TTLL5: variants seen among roughly 807,000 people sequenced by gnomAD.
The protein encoded by TTLL5 is tubulin tyrosine ligase like 5, also known as tubulin polyglutamylase TTLL5.
In TTLL5, 132 loss-of-function variants were observed where a neutral mutation model predicts 168.4. The observed-to-expected ratio is 0.78, with a 90% CI of 0.68 to 0.91. The LOEUF is 0.91. Ranked by LOEUF, TTLL5 falls within the 40% of genes least tolerant of loss-of-function variation. The probability of loss-of-function intolerance (pLI) is 0.00; values close to 1 mark genes in which losing one functional copy is unlikely to be tolerated. For missense variants in TTLL5, 1,545 were observed against 1,581.5 expected, an observed-to-expected ratio of 0.98 and a Z score of 0.39; for synonymous variants, 546 against 558.6, an observed-to-expected ratio of 0.98 and a Z score of 0.32.
chr14:75,871,277 G>A lies in TTLL5; in HGVS notation c.3522+7415G>A, dbSNP rs187880523. 1.2e-3 allele frequency among the ~76,000 whole-genome samples: 190 copies of A among 152,296 alleles called. 1 individual carries two copies. The highest frequency in any genetic ancestry group is 1.5e-3 in the Non-Finnish European group (101 of 68,032). On this transcript the variant is annotated intron_variant, in intron 29 of 31. Coordinates refer to ENST00000298832, the MANE Select transcript of TTLL5 (RefSeq NM_015072.5). ...AATCTTAGAGGAAAATGAACACGCA[G>A]TAAATGCTTCCTGTGCACCAGATGT...
chr14:75,746,439 C>T (rs1036292633), intron 17 of TTLL5, among the ~76,000 whole-genome samples: 21 of 152,060 alleles, frequency 1.4e-4, no homozygotes, highest in African/African-American at 1.9e-4. Flanking sequence ...TTCAGGCTTG[C>T]GTTTTTCTGA....
At chr14:75,931,748 G>A (rs2034283563) in intron 31 of TTLL5, among the ~76,000 whole-genome samples, 3 of 152,170 alleles carry the variant, frequency 2.0e-5, no homozygotes, top group Non-Finnish European at 4.4e-5. Flanking sequence ...TTAAATTCCA[G>A]TCATTCTAAA....
intron 31 of TTLL5, among the ~76,000 whole-genome samples, chr14:75,926,955 T>C (rs1013461350): frequency 2.0e-5 from 3 of 152,190 alleles, no homozygotes; most frequent in Admixed American, 2.0e-4. Context: ...ATGCAGTGTA[T>C]ATATACAGAT....
intron 27 of TTLL5, among the ~76,000 whole-genome samples, chr14:75,803,905 A>G (rs1893489062): frequency 6.6e-6 from 1 of 152,184 alleles, no homozygotes; most frequent in Non-Finnish European, 1.5e-5. Context: ...AATCAGAGGG[A>G]GCGCTGGCCC....
chr14:75,669,366 T>C (rs1242626594), intron 2 of TTLL5, 50 bp from the exon 3 acceptor site: 1 of 1,523,186 alleles, frequency 6.6e-7, no homozygotes, highest in Non-Finnish European at 9.0e-7. Context: ...CATCAGCAGT[T>C]AGTTCAGGTT....
chr14:75,764,540 T>C, intron 18 of TTLL5, 75 bp from the exon 19 acceptor site: 1 of 1,560,732 alleles, frequency 6.4e-7, no homozygotes, highest in Non-Finnish European at 8.8e-7. Context: ...CATTATGGAA[T>C]TCTGGGAAGC....
chr14:75,904,590 G>T (rs1326688764), intron 31 of TTLL5, among the ~76,000 whole-genome samples: 2 of 152,132 alleles, frequency 1.3e-5, no homozygotes, highest in Non-Finnish European at 2.9e-5. Context: ...TTATTTAGAA[G>T]ATTTTGTGGC....
chr14:75,749,037 C>A (rs531770285), intron 17 of TTLL5, among the ~76,000 whole-genome samples: 1 of 152,216 alleles, frequency 6.6e-6, no homozygotes, highest in East Asian at 1.9e-4. Context: ...ATAGAGAAAT[C>A]GTCCTTTTAT....
chr14:75,908,226 G>A (rs1224078733), intron 31 of TTLL5, among the ~76,000 whole-genome samples: 1 of 152,376 alleles, frequency 6.6e-6, no homozygotes, highest in East Asian at 1.9e-4. Context: ...GGATCAGAGG[G>A]TCTCAGAAGT....
intron 28 of TTLL5, among the ~76,000 whole-genome samples, chr14:75,850,334 A>G (rs1896778810): frequency 7.1e-6 from 1 of 141,222 alleles, no homozygotes; most frequent in Non-Finnish European, 1.5e-5. Flanking sequence ...TGAACCTGGG[A>G]GGCAGAGGTT....
intron 30 of TTLL5, among the ~76,000 whole-genome samples, chr14:75,893,916 C>T (rs1422942345): frequency 1.3e-5 from 2 of 150,460 alleles, no homozygotes; most frequent in East Asian, 3.9e-4. Flanking sequence ...ATAGTAAAGA[C>T]TGTATAGAGA....
chr14:75,952,454 A>G (rs1399154858), intron 31 of TTLL5, among the ~76,000 whole-genome samples: 1 of 152,254 alleles, frequency 6.6e-6, no homozygotes, highest in Admixed American at 6.5e-5. Context: ...ACAGTTTGAC[A>G]GTTCCTTAAA....
At position 75,884,467 on chromosome 14, in the gene TTLL5, C is replaced by T. The variant is rs182579299; in HGVS notation, c.3740+1565C>T. On this transcript the variant is annotated intron_variant, in intron 30 of 31. Coordinates refer to ENST00000298832, the MANE Select transcript of TTLL5 (RefSeq NM_015072.5). ...AGCCTCCTGAGATGGAATTGCAGCT[C>T]TTTGGACAGACTTTGCTTTGCAGCA... 1.4e-3 allele frequency among the ~76,000 whole-genome samples: 209 copies of T among 152,334 alleles called. 1 individual carries two copies. Among genetic ancestry groups the T allele is most frequent in the African/African-American group, 4.8e-3 (199 of 41,574 alleles).
At position 75,804,104 on chromosome 14, in the gene TTLL5, C is replaced by T. The variant is rs114503444; in HGVS notation, c.3171+11004C>T. 7.4e-3 allele frequency among the ~76,000 whole-genome samples: 1,125 copies of T among 152,270 alleles called. 12 individuals carry two copies. The highest frequency in any genetic ancestry group is 0.025 in the African/African-American group (1,043 of 41,558). On this transcript the variant is annotated intron_variant, in intron 27 of 31. Transcript: ENST00000298832. ...AGTGCCCGGGATGTGGCCAGGCCTC[C>T]TGGAAATGTGCTGACAGATACAGAG...
Position 75,793,085 on chromosome 14 carries a change from C to T in TTLL5, c.3156C>T (p.Asn1052=). 1 of 1,611,022 alleles carries T rather than the reference C, an allele frequency of 6.2e-7. No homozygotes were observed. The highest frequency in any genetic ancestry group is 8.5e-7 in the Non-Finnish European group (1 of 1,178,180). Residue 1052 remains asparagine (N), a synonymous_variant, in exon 27 of 32, where the codon AAC becomes AAT. Coordinates refer to ENST00000298832, the MANE Select transcript of TTLL5 (RefSeq NM_015072.5). Reference sequence around the variant, plus strand: ...AGTATTCTCCATCCAGCCACATCAACCTCCTCACCCAACAGGTACGGATGG... The same window carrying T: ...AGTATTCTCCATCCAGCCACATCAATCTCCTCACCCAACAGGTACGGATGG... The part of the protein sequence containing the change: ...ARQYSPSSHI[N]LLTQQVTNLN...
rs903969742 is a variant in TTLL5, at chr14:75,717,874, C to T, written c.754C>T (p.Arg252Ter). ...CCCTTCTATCAGGTTTGCAACTGTGCGATATGATCAAGGAGCCAAGAACAT... is the reference window on the plus strand; with the variant it reads ...CCCTTCTATCAGGTTTGCAACTGTGTGATATGATCAAGGAGCCAAGAACAT... ...EEGLARFATV[R>*]YDQGAKNIRN... The change falls in exon 10 of 32, where the codon CGA becomes TGA. Residue 252 changes from arginine (R) to a stop codon, truncating the protein, a stop_gained. Transcript: ENST00000298832. LOFTEE classifies it high-confidence loss of function. 3 of 1,613,448 alleles carry T rather than the reference C, an allele frequency of 1.9e-6. No individual in the cohort carries two copies. The highest frequency in any genetic ancestry group is 2.7e-5 in the African/African-American group (2 of 74,884).
chr14:75,869,651 G>A (rs1332283929), intron 29 of TTLL5, among the ~76,000 whole-genome samples: 1 of 151,972 alleles, frequency 6.6e-6, no homozygotes, highest in Non-Finnish European at 1.5e-5. Context: ...TGTCACATAA[G>A]TAATAAATGG....
intron 18 of TTLL5, among the ~76,000 whole-genome samples, chr14:75,763,986 A>G (rs1264660483): frequency 6.6e-6 from 1 of 152,032 alleles, no homozygotes; most frequent in African/African-American, 2.4e-5. Flanking sequence ...AGGATCTTAA[A>G]GGAGGGTGGG....
intron 28 of TTLL5, among the ~76,000 whole-genome samples, chr14:75,834,654 C>T (rs532454662): frequency 3.2e-4 from 48 of 152,224 alleles, no homozygotes; most frequent in African/African-American, 1.1e-3. Context: ...GTTCTTTAGC[C>T]TACTACAAGA....
Sources: allele counts gnomAD v4.1 joint callset (sites outside exome capture counted in the v4.1 genomes callset), GRCh38; gene constraint gnomAD v4.1.1; transcripts MANE v1.5; gene names NCBI Gene and HGNC (gene_info 2026-07-23, HGNC 2026-07-21).